The following SYNE1 variants were observed in gnomAD, a reference collection of about 807,000 sequenced individuals.
SYNE1 encodes the protein nesprin-1.
SYNE1 carries 616 observed loss-of-function variants against 1,111.0 expected under a neutral mutation model. That is an observed-to-expected ratio of 0.55 (90% CI 0.52 to 0.59). The LOEUF (loss-of-function observed/expected upper bound fraction) is 0.59. SYNE1 is among the 20% of genes least tolerant of loss of function. The pLI, the probability that SYNE1 is intolerant of heterozygous loss-of-function variation, is 0.00. For synonymous variants in SYNE1, 3,855 were observed against 3,825.8 expected, an observed-to-expected ratio of 1.01 and a Z score of -0.28; for missense variants, 10,006 against 10,417.0, an observed-to-expected ratio of 0.96 and a Z score of 1.72.
At chr6:152,324,235 C>A (rs1199288418) in intron 81 of SYNE1, among the ~76,000 whole-genome samples, 2 of 151,708 alleles carry the variant, frequency 1.3e-5, no homozygotes, top group East Asian at 1.9e-4. Flanking sequence ...CCCGTCTCTA[C>A]TAAAAATACA....
chr6:152,180,456 A>C (rs1338636302), intron 128 of SYNE1, among the ~76,000 whole-genome samples, 162 bp from the exon 129 acceptor site: 1 of 152,234 alleles, frequency 6.6e-6, no homozygotes, highest in Non-Finnish European at 1.5e-5. Context: ...AAAGTGGGAG[A>C]CATTGAATCC....
At chr6:152,369,882 C>G (rs13199926) in intron 59 of SYNE1, among the ~76,000 whole-genome samples, 6 of 144,442 alleles carry the variant, frequency 4.2e-5, no homozygotes, top group African/African-American at 1.5e-4. Flanking sequence ...ACTCAGGAGT[C>G]TGAGGTAGGA....
intron 3 of SYNE1, among the ~76,000 whole-genome samples, chr6:152,560,442 A>G (rs1322245189): frequency 6.6e-6 from 1 of 152,138 alleles, no homozygotes; most frequent in Non-Finnish European, 1.5e-5. Flanking sequence ...TGAAGTAGTA[A>G]GAAAAAATCT....
intron 76 of SYNE1, chr6:152,336,607 G>A (rs1448672240): frequency 1.0e-5 from 6 of 579,846 alleles, no homozygotes; most frequent in Non-Finnish European, 1.9e-5. Context: ...GACAGGAGGT[G>A]GAGTTCAGGC....
At chr6:152,510,641 A>C (rs2099080396) in intron 7 of SYNE1, among the ~76,000 whole-genome samples, 1 of 152,182 alleles carries the variant, frequency 6.6e-6, no homozygotes, top group Non-Finnish European at 1.5e-5. Context: ...AATTATTCTG[A>C]ATAGAATGGC....
chr6:152,438,973 G>A (rs974443641), intron 32 of SYNE1, among the ~76,000 whole-genome samples: 2 of 152,186 alleles, frequency 1.3e-5, no homozygotes, highest in Non-Finnish European at 2.9e-5. Context: ...ACTATTTAGT[G>A]ATCCGCAGAT....
Position 152,416,580 on chromosome 6 carries a change from C to T in SYNE1, c.5857G>A (p.Asp1953Asn). ...CTCTCTACCTCTCCACAGAGCTGAT[C>T]AGCCGTGGCTCTGCAGGAAGTCCTT... ...EQRTSCRATA[D>N]QLCGEVERIQ... Residue 1953 changes from aspartate (D) to asparagine (N), a missense_variant, in exon 41 of 146, where the codon GAT becomes AAT. Transcript: ENST00000367255. 6.2e-7 allele frequency: 1 copy of T among 1,614,112 alleles called. No homozygotes were observed. The highest frequency in any genetic ancestry group is 1.3e-5 in the African/African-American group (1 of 75,016).
At position 152,354,806 on chromosome 6, in the gene SYNE1, G is replaced by C. The variant is rs2096805256; in HGVS notation, c.10779C>G (p.Phe3593Leu). The change falls in exon 67 of 146, where the codon TTC becomes TTG. Residue 3593 changes from phenylalanine to leucine, a missense_variant. This residue lies in a region of SYNE1 where 4,955 missense variants were observed against 5,017.2 expected (regional missense o/e 0.99). Coordinates refer to ENST00000367255, the MANE Select transcript of SYNE1 (RefSeq NM_182961.4). ...QHRLSETRTQ[F>L]NNVVNKLRLM... is the part of the protein sequence containing the mutation. Reference sequence around the variant, plus strand: ...GCCTCAATTTGTTCACCACGTTATTGAACTGAGTTCGAGTCTCGGACAGCC... The same window carrying C: ...GCCTCAATTTGTTCACCACGTTATTCAACTGAGTTCGAGTCTCGGACAGCC... The C allele has an allele frequency of 6.2e-7, 1 of 1,614,020 alleles. No homozygotes were observed. The highest frequency in any genetic ancestry group is 2.2e-5 in the East Asian group (1 of 44,886).
chr6:152,450,644 A>G lies in SYNE1; in HGVS notation c.3376T>C (p.Trp1126Arg). Residue 1126 changes from tryptophan (W) to arginine (R), a missense_variant, in exon 27 of 146, where the codon TGG (tryptophan) becomes CGG (arginine). By Grantham distance (101) the Trp-to-Arg change is moderately radical. Coordinates refer to ENST00000367255, the MANE Select transcript of SYNE1 (RefSeq NM_182961.4). ...YRKLMEDPDK[W>R]KDYTSRFSEF... ...GGCTACCTGCTAGTGTAGTCCTTCC[A>G]CTTGTCTGGGTCTTCCATGAGCTTC... 1.2e-6 allele frequency: 2 copies of G among 1,614,104 alleles called. No individual in the cohort carries two copies. The highest frequency in any genetic ancestry group is 1.7e-6 in the Non-Finnish European group (2 of 1,180,028).
intron 136 of SYNE1, among the ~76,000 whole-genome samples, chr6:152,149,143 AT>A (rs1435891655): frequency 6.6e-6 from 1 of 152,224 alleles, no homozygotes; most frequent in Non-Finnish European, 1.5e-5. Flanking sequence ...TGTTTCTGCG[AT>A]CAAAAGATTC....
chr6:152,581,648 A>C (rs970339213), intron 3 of SYNE1, among the ~76,000 whole-genome samples: 1 of 152,056 alleles, frequency 6.6e-6, no homozygotes, highest in Admixed American at 6.6e-5. Context: ...TTCCAGTTTT[A>C]GTGCAAACAC....
At chr6:152,275,051 C>T (rs533389173) in intron 98 of SYNE1, among the ~76,000 whole-genome samples, 146 of 152,218 alleles carry the variant, frequency 9.6e-4, no homozygotes, top group African/African-American at 3.2e-3. Context: ...GGACCACAGG[C>T]GTGTGCCACC....
chr6:152,604,368 T>C (rs2099605531), intron 3 of SYNE1, among the ~76,000 whole-genome samples: 1 of 152,138 alleles, frequency 6.6e-6, no homozygotes, highest in South Asian at 2.1e-4. Flanking sequence ...AGTAGTGTGA[T>C]CACAGCTCAC....
In SYNE1 at chr6:152,616,536, A is replaced by G. The variant is rs527363464; in HGVS notation, c.67+11729T>C. 6.6e-5 allele frequency among the ~76,000 whole-genome samples: 10 copies of G among 152,250 alleles called. No individual in the cohort carries two copies. In the South Asian group the frequency reaches 2.1e-3, roughly 32 times the overall value. Reference sequence around the variant, plus strand: ...GGCTGCAGTGAGCTGTGATTGCACCACTGCACTCCAGCCTGGATGACAGAG... The same window carrying G: ...GGCTGCAGTGAGCTGTGATTGCACCGCTGCACTCCAGCCTGGATGACAGAG... On this transcript the variant is annotated intron_variant, in intron 3 of 145. Coordinates refer to ENST00000367255, the MANE Select transcript of SYNE1 (RefSeq NM_182961.4).
intron 130 of SYNE1, among the ~76,000 whole-genome samples, chr6:152,168,882 ATT>A (rs2064363512): frequency 6.6e-6 from 1 of 152,182 alleles, no homozygotes; most frequent in Non-Finnish European, 1.5e-5. Flanking sequence ...TAACATTTTC[ATT>A]TTAAGACAAT....
chr6:152,634,602 G>T (rs1350860866), intron 2 of SYNE1, among the ~76,000 whole-genome samples: 1 of 152,168 alleles, frequency 6.6e-6, no homozygotes, highest in Non-Finnish European at 1.5e-5. Context: ...AGGGAACAAT[G>T]CTGTTTCTTA....
At chr6:152,554,974 A>G (rs2099360018) in intron 3 of SYNE1, among the ~76,000 whole-genome samples, 1 of 152,162 alleles carries the variant, frequency 6.6e-6, no homozygotes, top group Non-Finnish European at 1.5e-5. Context: ...TTTGTCTTTA[A>G]CCAGTTACTT....
intron 74 of SYNE1, among the ~76,000 whole-genome samples, chr6:152,343,514 A>ATTTTATT (rs2096576779): frequency 8.0e-6 from 1 of 125,666 alleles, no homozygotes; most frequent in Middle Eastern, 4.8e-3. Flanking sequence ...TTATTCTTTT[A>ATTTTATT]TTTTATTTTT....
chr6:152,586,612 T>C (rs894631422), intron 3 of SYNE1, among the ~76,000 whole-genome samples: 1 of 151,802 alleles, frequency 6.6e-6, no homozygotes, highest in Non-Finnish European at 1.5e-5. Flanking sequence ...GGAATGTTCT[T>C]AAAACTTAGC....
Sources: allele counts gnomAD v4.1 joint callset (sites outside exome capture counted in the v4.1 genomes callset), GRCh38; gene constraint gnomAD v4.1.1; regional missense constraint gnomAD v4.1.1; transcripts MANE v1.5; gene names NCBI Gene and HGNC (gene_info 2026-07-23, HGNC 2026-07-21).